Variants in POTEE observed in about 807,000 individuals in gnomAD.
POTEE encodes ANKRD26-like family C member 1A.
POTEE carries 21 observed loss-of-function variants against 74.2 expected under a neutral mutation model. The observed-to-expected ratio is 0.28, with a 90% confidence interval of 0.20 to 0.41. The LOEUF is 0.41. Among genes scored for constraint, POTEE ranks in the 10% least tolerant of loss-of-function variants. POTEE has a pLI of 1.00. For missense variants in POTEE, 525 were observed against 1,158.6 expected (o/e 0.45, Z 7.94); for synonymous variants, 211 against 432.8 (o/e 0.49, Z 6.36).
rs531973096 is a variant in POTEE at position 131,213,032 on chromosome 2, C to G, written c.-189+1849C>G. On this transcript the variant is annotated intron_variant, in intron 2 of 17. Transcript: ENST00000683005. ...CTGTAGTACGATGGCCCGATCTTGG[C>G]TCACTGCAACCCCTGCCTCCTGGGT... Among the ~76,000 whole-genome samples the G allele has an allele frequency of 3.0e-3, 448 of 151,134 alleles. 7 individuals are homozygous for G. The highest frequency in any genetic ancestry group is 0.02 in the Middle Eastern group (6 of 294).
intron 2 of POTEE, among the ~76,000 whole-genome samples, chr2:131,211,480 T>G (rs1223171193): frequency 7.8e-6 from 1 of 127,952 alleles, no homozygotes; most frequent in African/African-American, 2.8e-5. Context: ...CAGGCATGAG[T>G]GGCAGCATTG....
At chr2:131,213,904 T>A (rs1042246948) in intron 2 of POTEE, among the ~76,000 whole-genome samples, 1 of 152,092 alleles carries the variant, frequency 6.6e-6, no homozygotes, top group African/African-American at 2.4e-5. Context: ...GCAAAATTAT[T>A]TAAGAGAGTG....
chr2:131,218,229 C>T lies in POTEE; in HGVS notation c.-93-81C>T, dbSNP rs1456680052. 4.6e-6 allele frequency: 5 copies of T among 1,096,546 alleles called. No individual in the cohort carries two copies. In the Admixed American group the frequency reaches 8.0e-5, roughly 17 times the overall value. 67.9% of individuals were successfully genotyped at this position (1,096,546 alleles called of 1,614,324 possible). A position where few individuals can be genotyped will look rare whatever the true frequency, so the allele number is the denominator to read the frequency against. ...CTTTCCTCGGGTGGGTGTGGGTTTTCCCTGGGTGGGGTGGGCTGGGCTGGA... is the reference window on the plus strand; with the variant it reads ...CTTTCCTCGGGTGGGTGTGGGTTTTTCCTGGGTGGGGTGGGCTGGGCTGGA... On this transcript the variant is annotated intron_variant, in intron 3 of 17. Coordinates refer to ENST00000683005, the MANE Select transcript of POTEE (RefSeq NM_001083538.3).
At chr2:131,239,865 T>C (rs1427945102) in intron 12 of POTEE, among the ~76,000 whole-genome samples, 1 of 152,226 alleles carries the variant, frequency 6.6e-6, no homozygotes, top group Admixed American at 6.5e-5. Context: ...GTGCCTGTTA[T>C]TCTCCTCTTT....
At position 131,211,160 on chromosome 2, in the gene POTEE, G is replaced by A. The variant is rs1169408560; in HGVS notation, c.-212G>A. ...GCCTCGTGTGACTGATGGCAGCCAC[G>A]GAGACTGCAGCTCGACAGGAGTGGT... is the stretch of plus-strand genomic sequence containing the variant. On this transcript the variant is annotated 5_prime_UTR_variant, in exon 2 of 18. Transcript: ENST00000683005. Among the ~76,000 whole-genome samples the A allele has an allele frequency of 1.2e-4, 18 of 151,584 alleles. No individual in the cohort carries two copies. Among genetic ancestry groups the A allele is most frequent in the South Asian group, 6.2e-4 (3 of 4,808 alleles).
chr2:131,233,342 A>G (rs1701022855), intron 9 of POTEE, among the ~76,000 whole-genome samples: 1 of 151,962 alleles, frequency 6.6e-6, no homozygotes, highest in Admixed American at 6.5e-5. Flanking sequence ...GCAAACAGGC[A>G]TGACTGAGCT....
intron 2 of POTEE, among the ~76,000 whole-genome samples, chr2:131,212,641 T>G (rs1700382707): frequency 6.9e-6 from 1 of 144,196 alleles, no homozygotes. Flanking sequence ...CTCGGCTCAC[T>G]GCAACCTCCG....
chr2:131,263,771 A>G lies in POTEE; in HGVS notation c.2316A>G (p.Glu772=), dbSNP rs761702851. 7 of 1,613,126 alleles carry G rather than the reference A, an allele frequency of 4.3e-6. No individual in the cohort carries two copies. The highest frequency in any genetic ancestry group is 3.3e-5 in the South Asian group (3 of 91,008). Residue 772 remains glutamate (E), a synonymous_variant, in exon 18 of 18, where the codon GAA becomes GAG. Coordinates refer to ENST00000683005, the MANE Select transcript of POTEE (RefSeq NM_001083538.3). ...RGILTLKYPM[E]HGIITNWDDM... is the part of the protein sequence containing the mutation. ...TCCTGACCCTGAAGTACCCCATGGA[A>G]CACGGCATCATCACCAACTGGGATG...
chr2:131,211,454 T>C (rs1198269262), intron 2 of POTEE, among the ~76,000 whole-genome samples: 1 of 140,056 alleles, frequency 7.1e-6, no homozygotes, highest in Non-Finnish European at 1.5e-5. Context: ...CTCTGGAGGG[T>C]GGCCTCCTTC....
chr2:131,233,486 T>C (rs866716334), intron 9 of POTEE, among the ~76,000 whole-genome samples: 18 of 152,126 alleles, frequency 1.2e-4, no homozygotes, highest in African/African-American at 3.9e-4. Flanking sequence ...CAGTAGTCAG[T>C]TATAGTTTCC....
At chr2:131,215,591 C>A (rs1349851039) in intron 2 of POTEE, among the ~76,000 whole-genome samples, 1 of 148,692 alleles carries the variant, frequency 6.7e-6, no homozygotes, top group Non-Finnish European at 1.5e-5. Context: ...AATTTTTCTA[C>A]TAAAGGTGTT....
At chr2:131,237,066 TA>T (rs1264171473) in intron 10 of POTEE, among the ~76,000 whole-genome samples, 1 of 151,838 alleles carries the variant, frequency 6.6e-6, no homozygotes, top group Non-Finnish European at 1.5e-5. Context: ...ATAATATTTT[TA>T]TTTAAAATAC....
intron 3 of POTEE, chr2:131,218,080 C>G (rs1166955170): frequency 2.2e-6 from 1 of 458,368 alleles, no homozygotes; most frequent in Non-Finnish European, 4.0e-6. Context: ...TGGGCTTGAC[C>G]TTTTCTCTGC....
At chr2:131,216,723 TGAAAAA>T (rs55798374) in intron 2 of POTEE, among the ~76,000 whole-genome samples, 61,788 of 147,786 alleles carry the variant, frequency 0.42, 7,705 homozygotes, top group East Asian at 0.52. Context: ...TACTTGGCAA[TGAAAAA>T]GAAAAACATA....
intron 7 of POTEE, 148 bp from the exon 8 acceptor site, chr2:131,228,096 A>T: frequency 6.9e-7 from 1 of 1,445,308 alleles, no homozygotes; most frequent in Non-Finnish European, 9.2e-7. Context: ...TTTTACAAAG[A>T]TGAACACTTG....
chr2:131,237,365 T>C (rs1321568131), intron 10 of POTEE, among the ~76,000 whole-genome samples: 3 of 152,060 alleles, frequency 2.0e-5, no homozygotes, highest in Non-Finnish European at 4.4e-5. Context: ...TTCTGCCTTA[T>C]GGTCTCTCGT....
At chr2:131,256,968 C>G (rs1484470391) in intron 16 of POTEE, among the ~76,000 whole-genome samples, 1 of 152,278 alleles carries the variant, frequency 6.6e-6, no homozygotes, top group African/African-American at 2.4e-5. Context: ...TAACTTCAAA[C>G]CTGTTTGTGT....
At chr2:131,219,054 CAGAG>C (rs1387854093) in intron 4 of POTEE, 131 bp downstream of exon 4, 1 of 1,463,450 alleles carries the variant, frequency 6.8e-7, no homozygotes, top group East Asian at 2.3e-5. Flanking sequence ...GTGGAAACCT[CAGAG>C]AGGTCAGGGT....
rs1177633534 is a variant in POTEE at position 131,209,599 on chromosome 2, G to A, written c.-565G>A. The stretch of plus-strand genomic sequence containing the variant: ...TGGCTGCTACCTGTTTCTGGCTGGA[G>A]CCTCGGACACTGGCTCACTGCAGTT... On this transcript the variant is annotated 5_prime_UTR_variant, in exon 1 of 18. Transcript: ENST00000683005. Among the ~76,000 whole-genome samples the A allele has an allele frequency of 6.6e-6, 1 of 152,246 alleles. No homozygotes were observed. Among genetic ancestry groups the A allele is most frequent in the Non-Finnish European group, 1.5e-5 (1 of 68,044 alleles).
Sources: gnomAD v4.1 joint callset for allele counts (sites outside exome capture counted in the v4.1 genomes callset) on GRCh38, gnomAD v4.1.1 for gene constraint, MANE v1.5 for transcripts, NCBI Gene and HGNC (gene_info 2026-07-23, HGNC 2026-07-21) for gene names.